KMT2C: variants seen among roughly 807,000 people sequenced by gnomAD.
KMT2C encodes the protein lysine methyltransferase 2C.
KMT2C carries 88 observed loss-of-function variants against 507.9 expected under a neutral mutation model. That is an observed-to-expected ratio of 0.17 (90% CI 0.15 to 0.21). The LOEUF (loss-of-function observed/expected upper bound fraction) is 0.21. KMT2C is among the 10% of genes least tolerant of loss of function. The probability of loss-of-function intolerance (pLI) is 1.00; values close to 1 mark genes in which losing one functional copy is unlikely to be tolerated. For synonymous variants in KMT2C, 2,049 were observed against 2,080.8 expected (o/e 0.98, Z 0.42); for missense variants, 4,954 against 5,957.8 (o/e 0.83, Z 5.55).
chr7:152,191,830 C>A (rs1053882872), intron 31 of KMT2C, among the ~76,000 whole-genome samples: 1 of 152,208 alleles, frequency 6.6e-6, no homozygotes, highest in African/African-American at 2.4e-5. Flanking sequence ...CTATATGTAA[C>A]TTGATCATGC....
intron 6 of KMT2C, among the ~76,000 whole-genome samples, chr7:152,290,805 T>G (rs1464797455): frequency 3.3e-5 from 5 of 152,148 alleles, no homozygotes; most frequent in Admixed American, 6.5e-5. Flanking sequence ...ATTTCTCAAA[T>G]GTAGTTGAAT....
At chr7:152,332,523 T>C (rs2096893574) in intron 2 of KMT2C, among the ~76,000 whole-genome samples, 1 of 152,160 alleles carries the variant, frequency 6.6e-6, no homozygotes, top group Non-Finnish European at 1.5e-5. Context: ...CAACTATACC[T>C]TTCTAATTGT....
chr7:152,417,060 A>G (rs892837282), intron 1 of KMT2C, among the ~76,000 whole-genome samples: 1 of 151,796 alleles, frequency 6.6e-6, no homozygotes, highest in Non-Finnish European at 1.5e-5. Context: ...AAAAAAAAAA[A>G]AAAAAAAAGA....
chr7:152,433,856 TGA>T (rs1372028503), intron 1 of KMT2C, among the ~76,000 whole-genome samples: 1 of 151,996 alleles, frequency 6.6e-6, no homozygotes, highest in Non-Finnish European at 1.5e-5. Flanking sequence ...CGCGTGCGTG[TGA>T]GTGTGCGCGT....
chr7:152,235,207 G>GTATATATGTATATATATATATA (rs2095241970), intron 16 of KMT2C, among the ~76,000 whole-genome samples: 1 of 142,424 alleles, frequency 7.0e-6, no homozygotes, highest in Non-Finnish European at 1.5e-5. Flanking sequence ...TTTCAAGGGT[G>GTATATATGTATATATATATATA]TATATATATA....
At chr7:152,331,540 C>T (rs767894131) in intron 2 of KMT2C, among the ~76,000 whole-genome samples, 1 of 150,972 alleles carries the variant, frequency 6.6e-6, no homozygotes, top group Non-Finnish European at 1.5e-5. Context: ...GCCCCGGCAG[C>T]GGAGGCTACA....
rs2091893241 is a variant in KMT2C at position 152,154,448 on chromosome 7, G to GA, written c.11961-4dup. On this transcript the variant is annotated splice_region_variant and splice_polypyrimidine_tract_variant and intron_variant, in intron 46 of 58. Transcript: ENST00000262189. ...GATCACCACAGTGATCCTGTATCCT[G>GA]AAAAAACATAAACACACACATCAAA... The GA allele has an allele frequency of 3.1e-6, 5 of 1,611,294 alleles. No individual in the cohort carries two copies. The highest frequency in any genetic ancestry group is 1.1e-5 in the South Asian group (1 of 91,028).
intron 6 of KMT2C, among the ~76,000 whole-genome samples, chr7:152,298,776 T>C (rs1239798235): frequency 2.6e-5 from 4 of 152,226 alleles, no homozygotes; most frequent in Non-Finnish European, 4.4e-5. Flanking sequence ...AAGAGATATA[T>C]GTTTAATAAA....
chr7:152,288,016 C>T lies in KMT2C; in HGVS notation c.850-14149G>A, dbSNP rs71541748. On this transcript the variant is annotated intron_variant, in intron 6 of 58. Coordinates refer to ENST00000262189, the MANE Select transcript of KMT2C (RefSeq NM_170606.3). ...CCAACCTGGGCAACAGAGCAAGAGT[C>T]TGCCTCAAAAAAAAAAAAAAAAAAA... 3.7e-5 allele frequency among the ~76,000 whole-genome samples: 4 copies of T among 107,002 alleles called. No individual in the cohort carries two copies. The East Asian group carries it at 1.1e-3, about 30-fold the overall frequency. The allele number at this position is 107,002 out of a possible 152,430, so 70.2% of individuals were successfully genotyped here.
chr7:152,226,059 GC>G (rs2094919952), intron 18 of KMT2C, among the ~76,000 whole-genome samples: 1 of 151,912 alleles, frequency 6.6e-6, no homozygotes, highest in Admixed American at 6.6e-5. Flanking sequence ...TTTATTCATA[GC>G]AGAAAGTCAA....
At chr7:152,346,360 A>T (rs1589336936) in intron 2 of KMT2C, among the ~76,000 whole-genome samples, 1 of 152,228 alleles carries the variant, frequency 6.6e-6, no homozygotes, top group Non-Finnish European at 1.5e-5. Context: ...ACAGATTTTT[A>T]AAAATAGAAA....
At chr7:152,170,930 T>C (rs2092934220) in intron 40 of KMT2C, among the ~76,000 whole-genome samples, 1 of 152,218 alleles carries the variant, frequency 6.6e-6, no homozygotes, top group Admixed American at 6.5e-5. Context: ...CCTGAGCGTG[T>C]GGTTTTGCCA....
chr7:152,243,970 G>A (rs1347273692), intron 14 of KMT2C, among the ~76,000 whole-genome samples: 1 of 152,088 alleles, frequency 6.6e-6, no homozygotes, highest in Non-Finnish European at 1.5e-5. Context: ...GATACATACA[G>A]GGTAAATAAT....
rs146746070 is a variant in KMT2C, at chr7:152,149,563, C to T, written c.12775-411G>A. Reference sequence around the variant, plus strand: ...TGTTTTTTGTTTAACCAAATAAGAACGCTGCAGCATCGTTTCTTGAGAGCT... The same window carrying T: ...TGTTTTTTGTTTAACCAAATAAGAATGCTGCAGCATCGTTTCTTGAGAGCT... On this transcript the variant is annotated intron_variant, in intron 51 of 58. Transcript: ENST00000262189. 5.6e-4 allele frequency among the ~76,000 whole-genome samples: 86 copies of T among 152,272 alleles called. 1 individual carries two copies. The highest frequency in any genetic ancestry group is 3.4e-3 in the Middle Eastern group (1 of 294).
chr7:152,427,648 T>A (rs1156967372), intron 1 of KMT2C, among the ~76,000 whole-genome samples: 1 of 152,212 alleles, frequency 6.6e-6, no homozygotes, highest in Non-Finnish European at 1.5e-5. Context: ...TATATTCTGA[T>A]TTCCTTTCTT....
intron 51 of KMT2C, among the ~76,000 whole-genome samples, chr7:152,149,400 A>G (rs931911530): frequency 1.3e-5 from 2 of 152,212 alleles, no homozygotes; most frequent in African/African-American, 4.8e-5. Flanking sequence ...CCACAAAGCC[A>G]TAATTCTGGA....
intron 3 of KMT2C, among the ~76,000 whole-genome samples, chr7:152,318,907 A>C (rs1261871760): frequency 6.6e-6 from 1 of 152,216 alleles, no homozygotes; most frequent in African/African-American, 2.4e-5. Context: ...GACCAACATG[A>C]ATCTGGTCTC....
intron 23 of KMT2C, among the ~76,000 whole-genome samples, chr7:152,218,759 T>C (rs1256498360): frequency 6.6e-6 from 1 of 151,990 alleles, no homozygotes; most frequent in Admixed American, 6.6e-5. Context: ...CTTCTGACTG[T>C]CCCCTCTGCT....
chr7:152,301,433 C>T (rs1466275576), intron 6 of KMT2C, among the ~76,000 whole-genome samples: 7 of 150,252 alleles, frequency 4.7e-5, no homozygotes, highest in Admixed American at 6.6e-5. Flanking sequence ...CACTTGAACC[C>T]GGGAGGCAGA....
Sources: allele counts gnomAD v4.1 joint callset (sites outside exome capture counted in the v4.1 genomes callset), GRCh38; gene constraint gnomAD v4.1.1; transcripts MANE v1.5; gene names NCBI Gene and HGNC (gene_info 2026-07-23, HGNC 2026-07-21).